TEAD1: variants seen among roughly 807,000 people sequenced by gnomAD.
The protein encoded by TEAD1 is transcriptional enhancer factor TEF-1.
TEAD1 carries 9 observed loss-of-function variants against 54.9 expected under a neutral mutation model. The observed-to-expected ratio is 0.16, with a 90% confidence interval of 0.10 to 0.29. The LOEUF (loss-of-function observed/expected upper bound fraction) is 0.29. TEAD1 is among the 10% of genes least tolerant of loss of function. The pLI is 1.00. For missense variants in TEAD1, 387 were observed against 535.9 expected (o/e 0.72, Z 2.74); for synonymous variants, 200 against 187.8 (o/e 1.07, Z -0.53).
Position 12,937,323 on chromosome 11 carries a change from C to A in TEAD1, c.*101C>A. 9.5e-7 allele frequency: 1 copy of A among 1,050,814 alleles called. No individual in the cohort carries two copies. The highest frequency in any genetic ancestry group is 1.4e-6 in the Non-Finnish European group (1 of 695,116). The allele number at this position is 1,050,814 out of a possible 1,614,324, so 65.1% of individuals were successfully genotyped here. On this transcript the variant is annotated 3_prime_UTR_variant, in exon 13 of 13. Coordinates refer to ENST00000527636, the MANE Select transcript of TEAD1 (RefSeq NM_021961.6). ...TCGAACGACTGACTGTAAACCTCACCACACAGGGTGGTGCCCTGGCCCCGA... is the reference window on the plus strand; with the variant it reads ...TCGAACGACTGACTGTAAACCTCACAACACAGGGTGGTGCCCTGGCCCCGA...
intron 5 of TEAD1, among the ~76,000 whole-genome samples, chr11:12,872,158 C>T (rs931645451): frequency 5.3e-5 from 8 of 152,180 alleles, no homozygotes; most frequent in Admixed American, 2.6e-4. Context: ...TTGCTAAAGT[C>T]CACACTGCTG....
chr11:12,831,230 C>G (rs1946773588), intron 3 of TEAD1, among the ~76,000 whole-genome samples: 1 of 152,150 alleles, frequency 6.6e-6, no homozygotes, highest in Admixed American at 6.5e-5. Context: ...TAAATCTTAC[C>G]CTTCTTCAGA....
chr11:12,752,988 C>T (rs1183913830), intron 2 of TEAD1, among the ~76,000 whole-genome samples: 3 of 151,438 alleles, frequency 2.0e-5, no homozygotes, highest in Admixed American at 1.3e-4. Flanking sequence ...TACAGGCATG[C>T]GCCACCAACA....
chr11:12,940,147 C>CATAGAGGCTGA lies in TEAD1; in HGVS notation c.*2926_*2936dup, dbSNP rs918886767. The CATAGAGGCTGA allele has an allele frequency of 6.6e-6, 1 of 152,180 alleles. No homozygotes were observed. Among genetic ancestry groups the CATAGAGGCTGA allele is most frequent in the Admixed American group, 6.5e-5 (1 of 15,270 alleles). 9.4% of individuals were successfully genotyped at this position (152,180 alleles called of 1,614,324 possible). On this transcript the variant is annotated 3_prime_UTR_variant, in exon 13 of 13. Transcript: ENST00000527636. ...CTGGTCTCTGGGCATTCATTTCCCT[C>CATAGAGGCTGA]ATAGAGGCTGAGAATAAAACAAGGA...
At chr11:12,758,713 C>T (rs1945040979) in intron 2 of TEAD1, among the ~76,000 whole-genome samples, 1 of 151,802 alleles carries the variant, frequency 6.6e-6, no homozygotes, top group Non-Finnish European at 1.5e-5. Flanking sequence ...CCTACCTGGC[C>T]ATTTTTTTAA....
At chr11:12,806,434 G>A (rs1304663345) in intron 3 of TEAD1, among the ~76,000 whole-genome samples, 2 of 151,868 alleles carry the variant, frequency 1.3e-5, no homozygotes, top group Non-Finnish European at 3.0e-5. Flanking sequence ...ATTGGCTTGA[G>A]AGTTCCAAAG....
In TEAD1 at chr11:12,846,276, T is replaced by G. The variant is rs115889934; in HGVS notation, c.203-15974T>G. On this transcript the variant is annotated intron_variant, in intron 3 of 12. Transcript: ENST00000527636. The stretch of plus-strand genomic sequence containing the variant: ...CCCCCCAGAGCCTCCACAGGCTCAG[T>G]CTGTGCACAGCTTAAACACCTGCCC... 2.7e-3 allele frequency among the ~76,000 whole-genome samples: 367 copies of G among 138,032 alleles called. 2 individuals carry two copies. The highest frequency in any genetic ancestry group is 9.5e-3 in the African/African-American group (347 of 36,420). The allele number at this position is 138,032 out of a possible 152,430, so 90.6% of individuals were successfully genotyped here.
At chr11:12,728,293 AG>A (rs1944352646) in intron 2 of TEAD1, among the ~76,000 whole-genome samples, 1 of 152,218 alleles carries the variant, frequency 6.6e-6, no homozygotes, top group Non-Finnish European at 1.5e-5. Context: ...GAGTTTGCAT[AG>A]GATCCTGCCA....
At chr11:12,727,555 T>C (rs1047856849) in intron 2 of TEAD1, among the ~76,000 whole-genome samples, 5 of 152,174 alleles carry the variant, frequency 3.3e-5, no homozygotes, top group Non-Finnish European at 7.3e-5. Flanking sequence ...TATGAAGCCA[T>C]TGTGATCCAT....
At chr11:12,820,930 C>T (rs1946531739) in intron 3 of TEAD1, among the ~76,000 whole-genome samples, 3 of 152,184 alleles carry the variant, frequency 2.0e-5, no homozygotes, top group African/African-American at 4.8e-5. Flanking sequence ...CTGTAACTTC[C>T]GGAGCTGCTG....
rs1184888860 is a variant in TEAD1, at chr11:12,675,438, C to T, written c.-178C>T. 6.6e-6 allele frequency: 1 copy of T among 152,584 alleles called. No individual in the cohort carries two copies. 9.5% of individuals were successfully genotyped at this position (152,584 alleles called of 1,614,324 possible). Reference sequence around the variant, plus strand: ...GTTGCTGCCGCTGCCGCCGCCGCTTCATTGCACATTCAAGTGGAAAATTTT... The same window carrying T: ...GTTGCTGCCGCTGCCGCCGCCGCTTTATTGCACATTCAAGTGGAAAATTTT... On this transcript the variant is annotated 5_prime_UTR_variant, in exon 2 of 13. Coordinates refer to ENST00000527636, the MANE Select transcript of TEAD1 (RefSeq NM_021961.6).
chr11:12,753,007 A>AT (rs1276478132), intron 2 of TEAD1, among the ~76,000 whole-genome samples: 3,890 of 138,096 alleles, frequency 0.028, 141 homozygotes, highest in African/African-American at 0.079. Flanking sequence ...CACCCAGCTA[A>AT]TTTTTTTTTT....
chr11:12,867,563 G>A (rs1221216217), intron 5 of TEAD1, among the ~76,000 whole-genome samples: 3 of 152,138 alleles, frequency 2.0e-5, no homozygotes, highest in Admixed American at 2.0e-4. Flanking sequence ...TATCTCAAAG[G>A]CAGTATACTT....
chr11:12,837,672 T>TC (rs1946922886), intron 3 of TEAD1, among the ~76,000 whole-genome samples: 1 of 123,138 alleles, frequency 8.1e-6, no homozygotes, highest in East Asian at 2.5e-4. Flanking sequence ...TCTTCTTCCT[T>TC]CTTCCTTCTT....
intron 3 of TEAD1, among the ~76,000 whole-genome samples, chr11:12,857,586 G>GTGTGTGTA (rs1272043641): frequency 1.3e-5 from 2 of 151,126 alleles, no homozygotes; most frequent in South Asian, 4.2e-4. Context: ...CTCTGTGTGT[G>GTGTGTGTA]TGTGTGTGTG....
chr11:12,814,581 G>A, intron 3 of TEAD1, among the ~76,000 whole-genome samples: 1 of 152,196 alleles, frequency 6.6e-6, no homozygotes. Flanking sequence ...GGGAAGACCA[G>A]ATTGGAAGTG....
intron 3 of TEAD1, among the ~76,000 whole-genome samples, chr11:12,776,326 C>G (rs1369434770): frequency 6.6e-6 from 1 of 152,108 alleles, no homozygotes; most frequent in Non-Finnish European, 1.5e-5. Flanking sequence ...TAGGCTCACA[C>G]CGCAAATAGA....
chr11:12,856,130 C>CT (rs60226571), intron 3 of TEAD1, among the ~76,000 whole-genome samples: 33,500 of 140,792 alleles, frequency 0.24, 4,182 homozygotes, highest in South Asian at 0.4. Flanking sequence ...TATCTTCTTC[C>CT]TTTTTTTTTT....
intron 5 of TEAD1, among the ~76,000 whole-genome samples, chr11:12,878,643 G>A (rs5005475): frequency 0.58 from 87,620 of 151,440 alleles, 25,937 homozygotes; most frequent in East Asian, 0.94. Context: ...GTTTTTTATT[G>A]TTGCTGTTGT....
Sources: gnomAD v4.1 joint callset for allele counts (sites outside exome capture counted in the v4.1 genomes callset) on GRCh38, gnomAD v4.1.1 for gene constraint, MANE v1.5 for transcripts, NCBI Gene and HGNC (gene_info 2026-07-23, HGNC 2026-07-21) for gene names.